The following LINGO2 variants were observed in gnomAD, a reference collection of about 807,000 sequenced individuals.
LINGO2 encodes leucine-rich repeat and immunoglobulin-like domain-containing nogo receptor-interacting protein 2.
LINGO2 carries 14 observed loss-of-function variants against 30.6 expected under a neutral mutation model. The observed-to-expected ratio is 0.46, with a 90% CI of 0.30 to 0.72. The LOEUF (loss-of-function observed/expected upper bound fraction) is 0.72, where lower values mean the gene tolerates loss of function less well. Ranked by LOEUF, LINGO2 falls within the 30% of genes least tolerant of loss-of-function variation. LINGO2 has a pLI of 0.07. For missense variants in LINGO2, 729 were observed against 751.7 expected, an observed-to-expected ratio of 0.97 and a Z score of 0.35; for synonymous variants, 317 against 288.5, an observed-to-expected ratio of 1.10 and a Z score of -1.00.
At chr9:28,479,478 T>C (rs2135209721) in intron 1 of LINGO2, among the ~76,000 whole-genome samples, 1 of 152,024 alleles carries the variant, frequency 6.6e-6, no homozygotes, top group Non-Finnish European at 1.5e-5. Flanking sequence ...ATTACAGTCG[T>C]TATTTCCAAA....
At chr9:28,072,028 C>A (rs1825493915) in intron 4 of LINGO2, among the ~76,000 whole-genome samples, 1 of 152,080 alleles carries the variant, frequency 6.6e-6, no homozygotes, top group Admixed American at 6.6e-5. Flanking sequence ...CAAGATATAC[C>A]AATCCCATCT....
chr9:28,506,407 TATATATATATATATACACACACACACAC>T (rs1820115599), intron 1 of LINGO2, among the ~76,000 whole-genome samples: 1 of 5,732 alleles, frequency 1.7e-4, no homozygotes, highest in Non-Finnish European at 1.1e-3. Flanking sequence ...GACATATATA[TATATATATATATATACACACACACACAC>T]ACACACACAC....
intron 4 of LINGO2, among the ~76,000 whole-genome samples, chr9:28,202,269 G>C (rs1485812274): frequency 6.6e-6 from 1 of 151,908 alleles, no homozygotes; most frequent in Non-Finnish European, 1.5e-5. Flanking sequence ...TAATTTCCAG[G>C]GGGTCACAAT....
chr9:27,937,856 G>C, the LINGO2 span: 1 of 152,002 alleles, frequency 6.6e-6, no homozygotes, highest in African/African-American at 2.4e-5. Flanking sequence ...TTGTTGAAAA[G>C]AATTTGTCCT....
chr9:28,098,859 T>C (rs1826326311), intron 4 of LINGO2, among the ~76,000 whole-genome samples: 1 of 152,164 alleles, frequency 6.6e-6, no homozygotes, highest in South Asian at 2.1e-4. Flanking sequence ...TGATAATGGA[T>C]GGTGCTGATA....
At chr9:28,029,698 T>TA (rs1390024165) in intron 4 of LINGO2, among the ~76,000 whole-genome samples, 1 of 152,004 alleles carries the variant, frequency 6.6e-6, no homozygotes, top group Admixed American at 6.6e-5. Context: ...TCAAAACTAA[T>TA]ATGTGAAAAT....
At chr9:28,765,325 A>AGAGAGC in the LINGO2 span, among the ~76,000 whole-genome samples, 1 of 152,094 alleles carries the variant, frequency 6.6e-6, no homozygotes, top group East Asian at 1.9e-4. Context: ...AGGACAGACT[A>AGAGAGC]GAGAGCCAAG....
chr9:28,657,118 C>G lies in LINGO2; in HGVS notation c.-365+13082G>C, dbSNP rs189254012. On this transcript the variant is annotated intron_variant, in intron 1 of 5. Coordinates refer to ENST00000379992, the Ensembl canonical transcript of LINGO2. ...AAATCACTCCAGATTCTTGACCCAC[C>G]AAAAAAAATGTGAGATAAGTGTTTT... Among the ~76,000 whole-genome samples, 405 of 151,406 alleles carry G rather than the reference C, an allele frequency of 2.7e-3. 4 individuals carry two copies. Among genetic ancestry groups the G allele is most frequent in the Middle Eastern group, 6.8e-3 (2 of 292 alleles).
intron 2 of LINGO2, among the ~76,000 whole-genome samples, chr9:28,441,600 G>C (rs540827326): frequency 2.6e-4 from 39 of 152,188 alleles, no homozygotes; most frequent in African/African-American, 8.9e-4. Flanking sequence ...ATTACACATT[G>C]AGAAAACTGC....
At chr9:28,058,044 A>C (rs772754379) in intron 4 of LINGO2, among the ~76,000 whole-genome samples, 1 of 152,128 alleles carries the variant, frequency 6.6e-6, no homozygotes, top group Admixed American at 6.6e-5. Flanking sequence ...ATATCTTTGG[A>C]GGCAAGCATT....
the LINGO2 span, among the ~76,000 whole-genome samples, chr9:29,144,291 G>A: frequency 2.6e-5 from 4 of 151,884 alleles, no homozygotes; most frequent in Admixed American, 6.6e-5. Flanking sequence ...TTAAAATTCT[G>A]TATAGAACGT....
chr9:27,965,391 A>AT (rs999387940), intron 5 of LINGO2, among the ~76,000 whole-genome samples: 8 of 150,956 alleles, frequency 5.3e-5, no homozygotes, highest in Admixed American at 1.3e-4. Flanking sequence ...TAAAAAGCAG[A>AT]TTTTTTCCAG....
chr9:29,000,029 T>C, the LINGO2 span, among the ~76,000 whole-genome samples: 1 of 152,132 alleles, frequency 6.6e-6, no homozygotes, highest in South Asian at 2.1e-4. Context: ...TTCATTTAGA[T>C]AGTAGAAAGT....
chr9:27,977,381 C>T (rs933505343), intron 5 of LINGO2, among the ~76,000 whole-genome samples: 2 of 151,398 alleles, frequency 1.3e-5, no homozygotes, highest in African/African-American at 4.9e-5. Context: ...ATAGAGAGCT[C>T]GAAGGGCACT....
intron 1 of LINGO2, among the ~76,000 whole-genome samples, chr9:28,567,645 A>G (rs1587878179): frequency 6.6e-6 from 1 of 152,010 alleles, no homozygotes; most frequent in Non-Finnish European, 1.5e-5. Context: ...GGGACTCCAA[A>G]AGTGAAGAGG....
At chr9:28,337,118 T>C (rs1825616421) in intron 3 of LINGO2, among the ~76,000 whole-genome samples, 1 of 149,712 alleles carries the variant, frequency 6.7e-6, no homozygotes, top group South Asian at 2.1e-4. Flanking sequence ...AGAATATGTA[T>C]ATAGAGAAAT....
the LINGO2 span, among the ~76,000 whole-genome samples, chr9:29,129,773 T>A: frequency 6.6e-6 from 1 of 152,000 alleles, no homozygotes; most frequent in African/African-American, 2.4e-5. Context: ...TATGAAGAAA[T>A]ATATATGAAG....
intron 3 of LINGO2, among the ~76,000 whole-genome samples, chr9:28,321,830 A>G (rs1210445368): frequency 6.6e-6 from 1 of 152,178 alleles, no homozygotes; most frequent in East Asian, 1.9e-4. Flanking sequence ...CCACCAATGA[A>G]GAGATAGTTT....
chr9:28,543,509 G>C (rs573820673), intron 1 of LINGO2, among the ~76,000 whole-genome samples: 1 of 152,010 alleles, frequency 6.6e-6, no homozygotes, highest in Admixed American at 6.6e-5. Flanking sequence ...GACCACTTGG[G>C]ACTGAGCAAC....
Sources: gnomAD v4.1 joint callset for allele counts (sites outside exome capture counted in the v4.1 genomes callset) on GRCh38, gnomAD v4.1.1 for gene constraint, MANE v1.5 for transcripts, NCBI Gene and HGNC (gene_info 2026-07-23, HGNC 2026-07-21) for gene names.